RAPGEF6: variants seen among roughly 807,000 people sequenced by gnomAD.
The protein encoded by RAPGEF6 is PDZ domain containing guanine nucleotide exchange factor (GEF) 2.
In RAPGEF6, 56 loss-of-function variants were observed where a neutral mutation model predicts 171.4. The ratio of observed to expected loss-of-function variants is 0.33; its 90% CI spans 0.26 to 0.41. The LOEUF is 0.41. Among genes scored for constraint, RAPGEF6 ranks in the 10% least tolerant of loss-of-function variants. The probability of loss-of-function intolerance (pLI) is 1.00; values close to 1 mark genes in which losing one functional copy is unlikely to be tolerated. For synonymous variants in RAPGEF6, 692 were observed against 650.1 expected, an observed-to-expected ratio of 1.06 and a Z score of -0.98; for missense variants, 1,674 against 1,921.4, an observed-to-expected ratio of 0.87 and a Z score of 2.41.
chr5:131,547,434 T>C (rs1412078815), intron 6 of RAPGEF6, among the ~76,000 whole-genome samples: 1 of 152,132 alleles, frequency 6.6e-6, no homozygotes, highest in Admixed American at 6.5e-5. Flanking sequence ...AGATTACCCT[T>C]ATTTCTTGAT....
At chr5:131,430,049 C>CAA (rs200813208) in intron 26 of RAPGEF6, among the ~76,000 whole-genome samples, 1,732 of 86,274 alleles carry the variant, frequency 0.02, 39 homozygotes, top group African/African-American at 0.057. Flanking sequence ...GAGTCCATCT[C>CAA]AAAAAAAAAA....
intron 3 of RAPGEF6, among the ~76,000 whole-genome samples, chr5:131,593,795 A>G (rs1240598016): frequency 6.6e-6 from 1 of 152,222 alleles, no homozygotes; most frequent in Non-Finnish European, 1.5e-5. Flanking sequence ...CTAAGCAGCA[A>G]AGCATTCAAG....
chr5:131,557,443 A>G (rs1369175463), intron 5 of RAPGEF6, among the ~76,000 whole-genome samples: 2 of 152,200 alleles, frequency 1.3e-5, no homozygotes, highest in African/African-American at 2.4e-5. Flanking sequence ...ACCTTGTTGA[A>G]ATGACATAAA....
At chr5:131,518,912 T>C (rs1470249907) in intron 7 of RAPGEF6, among the ~76,000 whole-genome samples, 4 of 152,224 alleles carry the variant, frequency 2.6e-5, no homozygotes, top group African/African-American at 9.6e-5. Context: ...TTTATAAGTT[T>C]CATTGCATCA....
intron 6 of RAPGEF6, among the ~76,000 whole-genome samples, chr5:131,528,108 A>ATATGTAATATAAATTTATAT (rs1317798848): frequency 4.3e-5 from 5 of 116,008 alleles, no homozygotes; most frequent in African/African-American, 2.2e-4. Flanking sequence ...TTTATATATT[A>ATATGTAATATAAATTTATAT]TATATCATAT....
intron 1 of RAPGEF6, among the ~76,000 whole-genome samples, chr5:131,620,927 C>G (rs1353631758): frequency 6.6e-6 from 1 of 152,168 alleles, no homozygotes; most frequent in African/African-American, 2.4e-5. Flanking sequence ...CCAAAGCGAT[C>G]TTTCTGGAAG....
At chr5:131,574,659 T>C (rs1320346560) in intron 4 of RAPGEF6, among the ~76,000 whole-genome samples, 2 of 152,146 alleles carry the variant, frequency 1.3e-5, no homozygotes, top group Non-Finnish European at 2.9e-5. Flanking sequence ...TCTGTTTCCC[T>C]GACTATTCCT....
chr5:131,434,178 C>A, intron 24 of RAPGEF6, among the ~76,000 whole-genome samples: 1 of 152,208 alleles, frequency 6.6e-6, no homozygotes, highest in East Asian at 1.9e-4. Flanking sequence ...ACTATATATA[C>A]TTACCCCATA....
At chr5:131,580,858 G>A (rs566729886) in intron 4 of RAPGEF6, among the ~76,000 whole-genome samples, 2 of 152,264 alleles carry the variant, frequency 1.3e-5, no homozygotes, top group South Asian at 2.1e-4. Flanking sequence ...CCAACTGGAA[G>A]GGCACATGTA....
intron 3 of RAPGEF6, among the ~76,000 whole-genome samples, chr5:131,594,657 C>G (rs1763787299): frequency 1.3e-5 from 2 of 152,214 alleles, no homozygotes; most frequent in African/African-American, 2.4e-5. Context: ...ATGAAGGTAG[C>G]CACAGGGGCT....
At chr5:131,569,498 A>G (rs952568358) in intron 4 of RAPGEF6, among the ~76,000 whole-genome samples, 1 of 152,236 alleles carries the variant, frequency 6.6e-6, no homozygotes, top group Non-Finnish European at 1.5e-5. Context: ...CATGCTAGGT[A>G]AAATGAATAT....
rs746981491 is a variant in RAPGEF6, at chr5:131,498,490, C to G, written c.1372G>C (p.Gly458Arg). The change falls in exon 12 of 28, where the codon GGG (glycine) becomes CGG (arginine). Residue 458 changes from glycine to arginine, a missense_variant. Gly to Arg is a moderately radical substitution (Grantham distance 125, BLOSUM62 -2). Transcript: ENST00000509018. ...TTAAACCATTCCAATAGTTTGATCC[C>G]AACATCCAAAGGACTTTCAAGAAAT... is the stretch of plus-strand genomic sequence containing the variant. ...RTFLESPLDV[G>R]IKLLEWFKID... is the part of the protein sequence containing the mutation. 3.7e-6 allele frequency: 6 copies of G among 1,613,444 alleles called. No individual in the cohort carries two copies. In the Admixed American group the frequency reaches 8.3e-5, roughly 22 times the overall value.
At chr5:131,464,547 T>C (rs981265622) in intron 17 of RAPGEF6, among the ~76,000 whole-genome samples, 2 of 152,112 alleles carry the variant, frequency 1.3e-5, no homozygotes, top group African/African-American at 4.8e-5. Flanking sequence ...TTTCATTTAA[T>C]ATCTTATAAA....
rs1751969589 is a variant in RAPGEF6 at position 131,435,733 on chromosome 5, A to C, written c.3746-2075T>G. 6.8e-6 allele frequency: 6 copies of C among 877,974 alleles called. No individual in the cohort carries two copies. The South Asian group carries it at 1.4e-4, about 20-fold the overall frequency. The allele number at this position is 877,974 out of a possible 1,614,324, so 54.4% of individuals were successfully genotyped here. A position where few individuals can be genotyped will look rare whatever the true frequency, so the allele number is the denominator to read the frequency against. On this transcript the variant is annotated intron_variant, in intron 24 of 27. Transcript: ENST00000509018. ...TATTTCACTCACAGATCCAGCTAAC[A>C]GTAGGAAATAAAGTCAACTACAGAA...
chr5:131,450,280 C>T (rs1315969230), intron 21 of RAPGEF6, among the ~76,000 whole-genome samples: 1 of 151,966 alleles, frequency 6.6e-6, no homozygotes, highest in African/African-American at 2.4e-5. Flanking sequence ...ATGCTTTAGA[C>T]CAATTATATT....
At position 131,464,763 on chromosome 5, in the gene RAPGEF6, T is replaced by A. The variant is rs2149838305; in HGVS notation, c.2240-482A>T. Reference sequence around the variant, plus strand: ...AAGCCTCTGCAGGCAATCTACTTCCTCCGTGAAAATTCTCAAAAACAGAAT... The same window carrying A: ...AAGCCTCTGCAGGCAATCTACTTCCACCGTGAAAATTCTCAAAAACAGAAT... On this transcript the variant is annotated intron_variant, in intron 17 of 27. Coordinates refer to ENST00000509018, the MANE Select transcript of RAPGEF6 (RefSeq NM_016340.6). Among the ~76,000 whole-genome samples, 3 of 152,314 alleles carry A rather than the reference T, an allele frequency of 2.0e-5. No individual in the cohort carries two copies. In the South Asian group the frequency reaches 6.2e-4, roughly 32 times the overall value.
chr5:131,565,851 A>T (rs1050314991), intron 4 of RAPGEF6, among the ~76,000 whole-genome samples: 6 of 152,204 alleles, frequency 3.9e-5, no homozygotes, highest in African/African-American at 1.4e-4. Context: ...AAAATTAATT[A>T]TAAGTGGATC....
chr5:131,534,606 GT>G (rs66792688), intron 6 of RAPGEF6, among the ~76,000 whole-genome samples: 25 of 144,886 alleles, frequency 1.7e-4, no homozygotes, highest in African/African-American at 5.0e-4. Context: ...GCACCAATGT[GT>G]TTTTTTTTTT....
At chr5:131,487,485 T>C (rs1195564082) in intron 15 of RAPGEF6, among the ~76,000 whole-genome samples, 4 of 152,176 alleles carry the variant, frequency 2.6e-5, no homozygotes, top group Non-Finnish European at 4.4e-5. Flanking sequence ...GATTGGTGCA[T>C]TTACAATCCT....
Sources: gnomAD v4.1 joint callset for allele counts (sites outside exome capture counted in the v4.1 genomes callset) on GRCh38, gnomAD v4.1.1 for gene constraint, MANE v1.5 for transcripts, NCBI Gene and HGNC (gene_info 2026-07-23, HGNC 2026-07-21) for gene names.